PITPNC1: variants seen among roughly 807,000 people sequenced by gnomAD.
The protein encoded by PITPNC1 is cytoplasmic phosphatidylinositol transfer protein 1.
Under a neutral mutation model 44.7 loss-of-function variants are expected in PITPNC1, and 18 were observed. The observed-to-expected ratio is 0.40, with a 90% CI of 0.28 to 0.60. The LOEUF is 0.60. Among genes scored for constraint, PITPNC1 ranks in the 20% least tolerant of loss-of-function variants. The pLI is 0.39. For synonymous variants in PITPNC1, 141 were observed against 149.6 expected, an observed-to-expected ratio of 0.94 and a Z score of 0.42; for missense variants, 290 against 418.4, an observed-to-expected ratio of 0.69 and a Z score of 2.68.
rs2038166455 is a variant in PITPNC1 at position 67,393,295 on chromosome 17, ACT to A, written c.48+15096_48+15097del. Among the ~76,000 whole-genome samples the A allele has an allele frequency of 2.6e-5, 4 of 151,682 alleles. No individual in the cohort carries two copies. The South Asian group carries it at 8.4e-4, about 32-fold the overall frequency. ...ACAGTTTTCATCTTGCAGAATTGAA[ACT>A]CTGTATCCATTTAACCCTAAATCCC... On this transcript the variant is annotated intron_variant, in intron 1 of 8. Transcript: ENST00000581322.
chr17:67,490,984 T>C (rs1170297137), intron 1 of PITPNC1, among the ~76,000 whole-genome samples: 2 of 152,216 alleles, frequency 1.3e-5, no homozygotes, highest in Non-Finnish European at 2.9e-5. Flanking sequence ...CCTCTCTAGA[T>C]TAGCACAGCT....
intron 8 of PITPNC1, among the ~76,000 whole-genome samples, chr17:67,678,283 A>C (rs535062219): frequency 6.6e-6 from 1 of 152,254 alleles, no homozygotes; most frequent in African/African-American, 2.4e-5. Flanking sequence ...TATCAAAGGA[A>C]ACAGGAGATC....
At chr17:67,609,567 G>A (rs1210354150) in intron 5 of PITPNC1, among the ~76,000 whole-genome samples, 1 of 151,962 alleles carries the variant, frequency 6.6e-6, no homozygotes, top group Non-Finnish European at 1.5e-5. Flanking sequence ...TGGGTTTATA[G>A]GCGTGAACCA....
At chr17:67,510,911 C>G (rs764757489) in intron 1 of PITPNC1, among the ~76,000 whole-genome samples, 4 of 152,008 alleles carry the variant, frequency 2.6e-5, no homozygotes, top group African/African-American at 9.7e-5. Flanking sequence ...TCCATGCCAG[C>G]GTATTGTTTC....
intron 1 of PITPNC1, among the ~76,000 whole-genome samples, chr17:67,461,557 T>C (rs1292420315): frequency 1.3e-5 from 2 of 152,204 alleles, no homozygotes; most frequent in South Asian, 4.1e-4. Flanking sequence ...GCAACCACAG[T>C]GCAGTCTGGT....
chr17:67,517,126 T>C (rs1376685241), intron 1 of PITPNC1, among the ~76,000 whole-genome samples: 3 of 152,264 alleles, frequency 2.0e-5, no homozygotes, highest in Non-Finnish European at 2.9e-5. Flanking sequence ...AAAGATGCCA[T>C]GTGGCTGGAG....
chr17:67,421,644 A>C (rs2038674451), intron 1 of PITPNC1, among the ~76,000 whole-genome samples: 1 of 152,070 alleles, frequency 6.6e-6, no homozygotes, highest in Non-Finnish European at 1.5e-5. Context: ...TGGTGTTGGG[A>C]AGGCTGGGTT....
intron 1 of PITPNC1, among the ~76,000 whole-genome samples, chr17:67,494,185 T>TCCTTCCTTCCTTCCTTCC (rs1555657748): frequency 9.8e-6 from 1 of 102,426 alleles, no homozygotes; most frequent in African/African-American, 3.8e-5. Context: ...CTTTCTTTCT[T>TCCTTCCTTCCTTCCTTCC]TTTCTTTCTT....
chr17:67,632,549 T>C (rs2041984024), intron 6 of PITPNC1: 1 of 288,194 alleles, frequency 3.5e-6, no homozygotes, highest in Non-Finnish European at 6.3e-6. Flanking sequence ...AAAACAACAG[T>C]CTCCCCAATT....
chr17:67,411,558 G>A (rs997532267), intron 1 of PITPNC1, among the ~76,000 whole-genome samples: 1 of 152,048 alleles, frequency 6.6e-6, no homozygotes, highest in African/African-American at 2.4e-5. Context: ...GGAGAAAGGA[G>A]GAAGTGACAA....
chr17:67,593,332 C>A (rs1455350639), intron 5 of PITPNC1, among the ~76,000 whole-genome samples: 1 of 150,334 alleles, frequency 6.7e-6, no homozygotes, highest in Non-Finnish European at 1.5e-5. Flanking sequence ...GAATCGGAAT[C>A]AAATATGACA....
intron 5 of PITPNC1, among the ~76,000 whole-genome samples, chr17:67,581,802 G>A (rs2041237958): frequency 6.6e-6 from 1 of 152,184 alleles, no homozygotes; most frequent in African/African-American, 2.4e-5. Context: ...GGGAGGCTGA[G>A]GTGGGTGGAT....
intron 5 of PITPNC1, among the ~76,000 whole-genome samples, chr17:67,580,919 C>T (rs953865055): frequency 1.3e-5 from 2 of 152,174 alleles, no homozygotes; most frequent in African/African-American, 4.8e-5. Flanking sequence ...TGGTGGCACA[C>T]ACACCTGTGG....
At chr17:67,430,978 T>G (rs1367654488) in intron 1 of PITPNC1, among the ~76,000 whole-genome samples, 2 of 151,736 alleles carry the variant, frequency 1.3e-5, no homozygotes, top group Admixed American at 1.3e-4. Flanking sequence ...ACACAACAAC[T>G]TGGAATGTTG....
intron 1 of PITPNC1, among the ~76,000 whole-genome samples, chr17:67,512,154 C>T (rs1311205650): frequency 3.3e-5 from 5 of 152,148 alleles, no homozygotes; most frequent in Admixed American, 3.3e-4. Flanking sequence ...CCAACTACTC[C>T]ACTAGTATGT....
Position 67,695,492 on chromosome 17 carries a change from C to G in PITPNC1, c.*2604C>G, listed in dbSNP as rs1190133610. On this transcript the variant is annotated 3_prime_UTR_variant, in exon 9 of 9. Transcript: ENST00000581322. ...GATGGAAATTAGAAGAAAAAAAAAG[C>G]AGAAACTTGAATTTGCTAAGCATGT... 1 of 151,324 alleles carries G rather than the reference C, an allele frequency of 6.6e-6. No homozygotes were observed. The highest frequency in any genetic ancestry group is 1.5e-5 in the Non-Finnish European group (1 of 67,876). 9.4% of individuals were successfully genotyped at this position (151,324 alleles called of 1,614,324 possible).
chr17:67,385,130 G>A (rs1598600887), intron 1 of PITPNC1, among the ~76,000 whole-genome samples: 2 of 152,330 alleles, frequency 1.3e-5, no homozygotes, highest in East Asian at 3.9e-4. Flanking sequence ...TCTTGGTCCG[G>A]TGGGGACTTG....
At chr17:67,562,211 A>G (rs984981547) in intron 4 of PITPNC1, among the ~76,000 whole-genome samples, 2 of 152,222 alleles carry the variant, frequency 1.3e-5, no homozygotes, top group Non-Finnish European at 2.9e-5. Context: ...GAGGACGGGA[A>G]GAGGATCCAT....
At chr17:67,545,065 A>G (rs2144150937) in intron 2 of PITPNC1, among the ~76,000 whole-genome samples, 1 of 152,282 alleles carries the variant, frequency 6.6e-6, no homozygotes, top group Middle Eastern at 3.4e-3. Flanking sequence ...TAATCCCAGC[A>G]CTTTGGGAGG....
Sources: allele counts gnomAD v4.1 joint callset (sites outside exome capture counted in the v4.1 genomes callset), GRCh38; gene constraint gnomAD v4.1.1; transcripts MANE v1.5; gene names NCBI Gene and HGNC (gene_info 2026-07-23, HGNC 2026-07-21).